FAM47E: variants seen among roughly 807,000 people sequenced by gnomAD.
The protein encoded by FAM47E is family with sequence similarity 47 member E.
A neutral mutation model predicts 41.6 loss-of-function variants in FAM47E; 32 were observed. That is an observed-to-expected ratio of 0.77 (90% CI 0.58 to 1.03). The LOEUF (loss-of-function observed/expected upper bound fraction) is 1.03, where lower values mean the gene tolerates loss of function less well. Ranked by LOEUF, FAM47E falls within the 50% of genes least tolerant of loss-of-function variation. The pLI is 0.00. For synonymous variants in FAM47E, 184 were observed against 188.7 expected (o/e 0.98, Z 0.20); for missense variants, 424 against 485.4 (o/e 0.87, Z 1.19).
chr4:76,268,771 A>T lies in FAM47E; in HGVS notation c.669+3A>T, dbSNP rs1200886227. On this transcript the variant is annotated splice_donor_region_variant and intron_variant, in intron 4 of 7. Coordinates refer to ENST00000424749, the MANE Select transcript of FAM47E (RefSeq NM_001136570.3). ...CTCGTCCTGGTCTTCATGAAAATGT[A>T]TGCAAAGCAGTTAGTGACTTCTGCA... The T allele has an allele frequency of 6.4e-7, 1 of 1,551,254 alleles. No individual in the cohort carries two copies. The highest frequency in any genetic ancestry group is 8.7e-7 in the Non-Finnish European group (1 of 1,146,908).
intron 2 of FAM47E, among the ~76,000 whole-genome samples, chr4:76,242,107 G>A (rs1733724411): frequency 6.6e-6 from 1 of 152,140 alleles, no homozygotes; most frequent in African/African-American, 2.4e-5. Context: ...ATAGGGTAAG[G>A]AATACAGGAA....
chr4:76,243,817 T>A (rs771975632), intron 2 of FAM47E, among the ~76,000 whole-genome samples: 1 of 152,198 alleles, frequency 6.6e-6, no homozygotes, highest in Admixed American at 6.5e-5. Context: ...TAGGTATACA[T>A]GTGCCATGGT....
chr4:76,256,658 G>C, intron 2 of FAM47E, 135 bp downstream of exon 2: 2 of 1,125,064 alleles, frequency 1.8e-6, no homozygotes, highest in Non-Finnish European at 2.5e-6. Flanking sequence ...CAGGATGCGA[G>C]TTCTTATGGG....
Position 76,283,616 on chromosome 4 carries a change from T to C in FAM47E, c.*158T>C. 1.8e-6 allele frequency: 1 copy of C among 550,240 alleles called. No homozygotes were observed. The highest frequency in any genetic ancestry group is 3.3e-6 in the Non-Finnish European group (1 of 306,244). 34.1% of individuals were successfully genotyped at this position (550,240 alleles called of 1,614,324 possible). Reference sequence around the variant, plus strand: ...CTGTAAATGTAATACCTGATGGTTATAAGCATTTCTCAATGGATTTCTGCT... The same window carrying C: ...CTGTAAATGTAATACCTGATGGTTACAAGCATTTCTCAATGGATTTCTGCT... On this transcript the variant is annotated 3_prime_UTR_variant, in exon 8 of 8. Coordinates refer to ENST00000424749, the MANE Select transcript of FAM47E (RefSeq NM_001136570.3).
In FAM47E at chr4:76,270,634, G is replaced by A. The variant is rs143128980; in HGVS notation, c.670-934G>A. The stretch of plus-strand genomic sequence containing the variant: ...CCATTCCTGCTGCTGGAGGCGATTC[G>A]TCTCTCAAGGCAGGAAACTGAAGGA... On this transcript the variant is annotated intron_variant, in intron 4 of 7. Transcript: ENST00000424749. Among the ~76,000 whole-genome samples, 510 of 152,188 alleles carry A rather than the reference G, an allele frequency of 3.4e-3. 1 individual carries two copies. Among genetic ancestry groups the A allele is most frequent in the Admixed American group, 7.8e-3 (120 of 15,288 alleles).
rs754205276 is a variant in FAM47E, at chr4:76,271,688, C to T, written c.790C>T (p.Arg264Cys). 112 of 1,551,894 alleles carry T rather than the reference C, an allele frequency of 7.2e-5. 1 individual carries two copies. The South Asian group carries it at 1.1e-3, about 15-fold the overall frequency. Residue 264 changes from arginine (R) to cysteine (C), a missense_variant, in exon 5 of 8, where the codon CGT becomes TGT. By Grantham distance (180) the Arg-to-Cys change is radical (BLOSUM62 -3). Transcript: ENST00000424749. The part of the protein sequence containing the change: ...KLNQVPLELK[R>C]SVGLSKLQET... ...AAATCAGGTTCCTCTGGAGCTAAAG[C>T]GTAGTGTGGGGCTCAGTAAACTGCA...
upstream of FAM47E, among the ~76,000 whole-genome samples, chr4:76,251,035 G>A (rs1421920978): frequency 6.6e-6 from 1 of 152,124 alleles, no homozygotes; most frequent in Non-Finnish European, 1.5e-5. Context: ...TTATTAAGTA[G>A]CAGAACCAAT....
chr4:76,283,419 T>C lies in FAM47E; in HGVS notation c.1143T>C (p.Arg381=). The change falls in exon 8 of 8, where the codon CGT becomes CGC. Residue 381 remains arginine (R), a synonymous_variant. Transcript: ENST00000424749. ...TGTATATCGGGAAGGAATGTAAACGTGCATGTAATAAGACTCCTATAAAAC... is the reference window on the plus strand; with the variant it reads ...TGTATATCGGGAAGGAATGTAAACGCGCATGTAATAAGACTCCTATAAAAC... ...ENMYIGKECK[R]ACNKTPIKRT... is the part of the protein sequence containing the mutation. The C allele has an allele frequency of 6.5e-7, 1 of 1,548,442 alleles. No individual in the cohort carries two copies. Among genetic ancestry groups the C allele is most frequent in the Non-Finnish European group, 8.7e-7 (1 of 1,144,200 alleles).
intron 5 of FAM47E, among the ~76,000 whole-genome samples, chr4:76,275,842 C>T (rs1482245535): frequency 1.3e-5 from 2 of 152,134 alleles, no homozygotes; most frequent in Non-Finnish European, 2.9e-5. Flanking sequence ...CTTTCCTTCC[C>T]TTTTTCATTT....
chr4:76,256,310 C>T lies in FAM47E; in HGVS notation c.207C>T (p.Val69=). ...CTTGCACTGGTCTGGTGACTCAGGTCCCTGTGGAGGGCTTTCTGCCCCAGA... is the reference window on the plus strand; with the variant it reads ...CTTGCACTGGTCTGGTGACTCAGGTTCCTGTGGAGGGCTTTCTGCCCCAGA... ...CPPCTGLVTQ[V]PVEGFLPQIY... is the part of the protein sequence containing the mutation. Residue 69 remains valine (V), a synonymous_variant, in exon 2 of 8, where the codon GTC becomes GTT. Coordinates refer to ENST00000424749, the MANE Select transcript of FAM47E (RefSeq NM_001136570.3). 1.3e-6 allele frequency: 2 copies of T among 1,551,678 alleles called. No individual in the cohort carries two copies. The highest frequency in any genetic ancestry group is 1.7e-4 in the Middle Eastern group (1 of 5,992).
chr4:76,233,572 TCACA>T (rs879323914), intron 2 of FAM47E, among the ~76,000 whole-genome samples: 3 of 71,722 alleles, frequency 4.2e-5, no homozygotes, highest in African/African-American at 1.5e-4. Flanking sequence ...TTTACAGACA[TCACA>T]CACACACACG....
At chr4:76,218,302 C>G (rs1733249439) in intron 2 of FAM47E, among the ~76,000 whole-genome samples, 1 of 152,256 alleles carries the variant, frequency 6.6e-6, no homozygotes, top group Non-Finnish European at 1.5e-5. Flanking sequence ...CTGAGCAATA[C>G]AGCCTCCATA....
intron 2 of FAM47E, among the ~76,000 whole-genome samples, chr4:76,257,080 C>T (rs1734225290): frequency 6.6e-6 from 1 of 152,132 alleles, no homozygotes; most frequent in Non-Finnish European, 1.5e-5. Flanking sequence ...GTATGCATCT[C>T]TCGTCTTTGT....
Position 76,265,294 on chromosome 4 carries a change from G to A in FAM47E, c.560+1451G>A, listed in dbSNP as rs141746656. On this transcript the variant is annotated intron_variant, in intron 3 of 7. Transcript: ENST00000424749. The stretch of plus-strand genomic sequence containing the variant: ...CCTTGCTTCCCCATTCTAGAGGGGA[G>A]GACTGTCCTGGTCCAGCCTTGCAGG... Among the ~76,000 whole-genome samples, 599 of 152,288 alleles carry A rather than the reference G, an allele frequency of 3.9e-3. 1 individual carries two copies. Among genetic ancestry groups the A allele is most frequent in the Admixed American group, 8.4e-3 (128 of 15,296 alleles).
At chr4:76,263,598 A>T in intron 2 of FAM47E, 106 bp from the exon 3 acceptor site, 1 of 1,384,180 alleles carries the variant, frequency 7.2e-7, no homozygotes, top group Non-Finnish European at 9.7e-7. Context: ...GCACTGATGG[A>T]CTGAAAAGGA....
chr4:76,222,072 G>A (rs1733319060), intron 2 of FAM47E, among the ~76,000 whole-genome samples: 1 of 152,192 alleles, frequency 6.6e-6, no homozygotes, highest in South Asian at 2.1e-4. Context: ...TTAAGAATGA[G>A]GCCTACACAG....
chr4:76,283,302 A>G (rs1735436689), intron 7 of FAM47E, 79 bp from the exon 8 acceptor site: 1 of 750,972 alleles, frequency 1.3e-6, no homozygotes, highest in Non-Finnish European at 2.3e-6. Flanking sequence ...TGAGTTAGAT[A>G]TGGTAGTGGT....
chr4:76,227,898 T>C (rs766736992), intron 2 of FAM47E, among the ~76,000 whole-genome samples: 18 of 152,222 alleles, frequency 1.2e-4, no homozygotes, highest in Non-Finnish European at 2.5e-4. Context: ...TTCTAGCCCA[T>C]TACATTAAGT....
intron 5 of FAM47E, among the ~76,000 whole-genome samples, chr4:76,274,972 G>A (rs1735038238): frequency 6.6e-6 from 1 of 152,194 alleles, no homozygotes; most frequent in South Asian, 2.1e-4. Flanking sequence ...AAGGCAGTGA[G>A]CTAGGGCAGT....
Sources: gnomAD v4.1 joint callset for allele counts (sites outside exome capture counted in the v4.1 genomes callset) on GRCh38, gnomAD v4.1.1 for gene constraint, MANE v1.5 for transcripts, NCBI Gene and HGNC (gene_info 2026-07-23, HGNC 2026-07-21) for gene names.